TEK: variants seen among roughly 807,000 people sequenced by gnomAD.
TEK encodes angiopoietin-1 receptor.
A neutral mutation model predicts 131.8 loss-of-function variants in TEK; 43 were observed. The observed-to-expected ratio is 0.33, with a 90% confidence interval of 0.26 to 0.42. The LOEUF (loss-of-function observed/expected upper bound fraction) is 0.42. TEK is among the 10% of genes least tolerant of loss of function. TEK has a pLI of 1.00. For synonymous variants in TEK, 580 were observed against 491.6 expected (o/e 1.18, Z -2.38); for missense variants, 1,162 against 1,384.4 (o/e 0.84, Z 2.55).
At chr9:27,195,231 G>T (rs1336996552) in intron 11 of TEK, among the ~76,000 whole-genome samples, 4 of 152,086 alleles carry the variant, frequency 2.6e-5, no homozygotes, top group African/African-American at 7.2e-5. Context: ...CCTAGCTGCT[G>T]GTTCTCACTA....
chr9:27,217,823 G>C, intron 19 of TEK, 65 bp downstream of exon 19: 2 of 1,431,542 alleles, frequency 1.4e-6, no homozygotes, highest in Non-Finnish European at 2.0e-6. Flanking sequence ...ATTTGACAGA[G>C]GTTTTAAAAA....
intron 10 of TEK, among the ~76,000 whole-genome samples, chr9:27,191,520 G>A (rs181728954): frequency 9.7e-4 from 147 of 151,612 alleles, no homozygotes; most frequent in African/African-American, 3.4e-3. Flanking sequence ...CCATACCTTT[G>A]TCTTACTATG....
rs376486296 is a variant in TEK, at chr9:27,151,001, A to G, written c.53-6830A>G. 2.0e-5 allele frequency among the ~76,000 whole-genome samples: 3 copies of G among 152,292 alleles called. No homozygotes were observed. The East Asian group carries it at 5.8e-4, about 29-fold the overall frequency. ...CTTGGTACAACTCCTGGGTGAGCAC[A>G]GGAGTTTGTTGTTAGAGAGTCACAG... On this transcript the variant is annotated intron_variant, in intron 1 of 22. Coordinates refer to ENST00000380036, the MANE Select transcript of TEK (RefSeq NM_000459.5).
chr9:27,137,717 A>C (rs1208670654), intron 1 of TEK, among the ~76,000 whole-genome samples: 3 of 152,190 alleles, frequency 2.0e-5, no homozygotes, highest in Admixed American at 2.0e-4. Context: ...TTAGTTACAA[A>C]GAGATCCCAG....
At chr9:27,138,932 G>C (rs1001893388) in intron 1 of TEK, among the ~76,000 whole-genome samples, 1 of 151,980 alleles carries the variant, frequency 6.6e-6, no homozygotes, top group African/African-American at 2.4e-5. Context: ...ATTCTTAGAT[G>C]GGCACGGTGG....
intron 1 of TEK, among the ~76,000 whole-genome samples, chr9:27,144,495 G>A (rs1232825478): frequency 1.3e-5 from 2 of 152,140 alleles, no homozygotes; most frequent in East Asian, 1.9e-4. Context: ...ATAGGCCTCC[G>A]ACTCTTGAGA....
chr9:27,136,705 A>G (rs575698896), intron 1 of TEK, among the ~76,000 whole-genome samples: 2 of 152,260 alleles, frequency 1.3e-5, no homozygotes, highest in South Asian at 2.1e-4. Context: ...GAACTTCACA[A>G]GTATCAGTCT....
intron 8 of TEK, among the ~76,000 whole-genome samples, 160 bp from the exon 9 acceptor site, chr9:27,185,325 T>C (rs777594543): frequency 1.3e-5 from 2 of 152,172 alleles, no homozygotes; most frequent in Non-Finnish European, 1.5e-5. Flanking sequence ...GCTACTACAA[T>C]AGCTTTGGAA....
intron 21 of TEK, among the ~76,000 whole-genome samples, chr9:27,221,267 A>C (rs144065821): frequency 4.5e-3 from 682 of 152,358 alleles, no homozygotes; most frequent in African/African-American, 0.015. Flanking sequence ...GGCAACAGCC[A>C]CAGCCAGGGG....
chr9:27,225,293 G>A (rs1564112938), intron 21 of TEK, among the ~76,000 whole-genome samples: 1 of 152,082 alleles, frequency 6.6e-6, no homozygotes, highest in Non-Finnish European at 1.5e-5. Flanking sequence ...ACAATCCTAA[G>A]CAAAAAGAAC....
intron 2 of TEK, among the ~76,000 whole-genome samples, chr9:27,162,927 G>T (rs1823595872): frequency 6.6e-6 from 1 of 152,086 alleles, no homozygotes; most frequent in African/African-American, 2.4e-5. Context: ...TGTTGGCCGG[G>T]GTGGTCTCCA....
chr9:27,229,248 T>A lies in TEK; in HGVS notation c.*16T>A, dbSNP rs1370303755. 1.2e-6 allele frequency: 2 copies of A among 1,612,920 alleles called. No individual in the cohort carries two copies. The highest frequency in any genetic ancestry group is 1.7e-4 in the Middle Eastern group (1 of 6,054). Reference sequence around the variant, plus strand: ...AGCGGCCTAGGACAGAACATCTGTATACCCTCTGTTTCCCTTTCACTGGCA... The same window carrying A: ...AGCGGCCTAGGACAGAACATCTGTAAACCCTCTGTTTCCCTTTCACTGGCA... On this transcript the variant is annotated 3_prime_UTR_variant, in exon 23 of 23. Transcript: ENST00000380036.
chr9:27,210,846 T>C (rs1390244569), intron 16 of TEK, among the ~76,000 whole-genome samples: 2 of 152,144 alleles, frequency 1.3e-5, no homozygotes, highest in East Asian at 3.8e-4. Context: ...AGGCCGGGCG[T>C]GGTGGCTCAC....
chr9:27,212,538 A>C (rs553838774), intron 16 of TEK, among the ~76,000 whole-genome samples, 169 bp from the exon 17 acceptor site: 1 of 152,256 alleles, frequency 6.6e-6, no homozygotes, highest in East Asian at 1.9e-4. Flanking sequence ...TGAGTATTGC[A>C]GGAGGGTGTC....
chr9:27,167,929 T>A (rs1189549945), intron 2 of TEK, among the ~76,000 whole-genome samples: 1 of 152,104 alleles, frequency 6.6e-6, no homozygotes, highest in Non-Finnish European at 1.5e-5. Context: ...TTAATATAGT[T>A]TATTGTTAGT....
At chr9:27,122,786 G>C (rs978700402) in intron 1 of TEK, among the ~76,000 whole-genome samples, 1 of 152,080 alleles carries the variant, frequency 6.6e-6, no homozygotes, top group African/African-American at 2.4e-5. Flanking sequence ...GGGCACAGTG[G>C]CTCACGCCTG....
At chr9:27,150,691 C>T (rs530438762) in intron 1 of TEK, among the ~76,000 whole-genome samples, 1 of 152,258 alleles carries the variant, frequency 6.6e-6, no homozygotes, top group East Asian at 1.9e-4. Context: ...TTGATGGAAC[C>T]ATGCTTCCTG....
chr9:27,156,054 C>T (rs1294135146), intron 1 of TEK, among the ~76,000 whole-genome samples: 4 of 152,124 alleles, frequency 2.6e-5, no homozygotes, highest in Non-Finnish European at 5.9e-5. Context: ...CCCCCTGCCT[C>T]GGCCTCCCAA....
intron 1 of TEK, among the ~76,000 whole-genome samples, chr9:27,126,878 C>T (rs1027831354): frequency 1.3e-5 from 2 of 152,146 alleles, no homozygotes; most frequent in Non-Finnish European, 2.9e-5. Flanking sequence ...AAGCAGGCCT[C>T]TCCTCACTCA....
Sources: allele counts gnomAD v4.1 joint callset (sites outside exome capture counted in the v4.1 genomes callset), GRCh38; gene constraint gnomAD v4.1.1; transcripts MANE v1.5; gene names NCBI Gene and HGNC (gene_info 2026-07-23, HGNC 2026-07-21).